COL19A1: variants seen among roughly 807,000 people sequenced by gnomAD.
COL19A1 encodes the protein collagen alpha-1(XIX) chain.
Under a neutral mutation model 190.2 loss-of-function variants are expected in COL19A1, and 159 were observed. The ratio of observed to expected loss-of-function variants is 0.84; its 90% confidence interval spans 0.73 to 0.95. The LOEUF is 0.95. Among genes scored for constraint, COL19A1 ranks in the 40% least tolerant of loss-of-function variants. COL19A1 has a pLI of 0.00. For synonymous variants in COL19A1, 509 were observed against 458.9 expected (o/e 1.11, Z -1.39); for missense variants, 1,418 against 1,431.9 (o/e 0.99, Z 0.16).
intron 11 of COL19A1, among the ~76,000 whole-genome samples, chr6:70,004,755 T>C (rs1451287329): frequency 6.6e-6 from 1 of 152,176 alleles, no homozygotes; most frequent in Non-Finnish European, 1.5e-5. Flanking sequence ...GTTATTCTAG[T>C]TAGCAGCTCC....
At chr6:70,139,924 C>CTTTTTTT (rs56675325) in intron 19 of COL19A1, among the ~76,000 whole-genome samples, 1 of 143,872 alleles carries the variant, frequency 7.0e-6, no homozygotes, top group African/African-American at 2.5e-5. Context: ...GGGTTTTTCT[C>CTTTTTTT]TTTTTTTTTT....
At chr6:69,967,014 AATG>A (rs1374785294) in intron 11 of COL19A1, among the ~76,000 whole-genome samples, 2 of 152,206 alleles carry the variant, frequency 1.3e-5, no homozygotes, top group African/African-American at 2.4e-5. Context: ...TTGCTTTTAA[AATG>A]ATGATTATTT....
chr6:69,958,175 G>A (rs893991868), intron 9 of COL19A1, among the ~76,000 whole-genome samples: 1 of 152,118 alleles, frequency 6.6e-6, no homozygotes, highest in Admixed American at 6.6e-5. Context: ...AGTACCCAGA[G>A]CACCTGGTGC....
In COL19A1 at chr6:69,884,536, G is replaced by A. The variant is rs538401980; in HGVS notation, c.91+4878G>A. On this transcript the variant is annotated intron_variant, in intron 2 of 50. Transcript: ENST00000620364. The stretch of plus-strand genomic sequence containing the variant: ...TTAAAACTGAGGGTGGGAGCATAAT[G>A]CACTTCTACTAAAGAATGAAGATAA... Among the ~76,000 whole-genome samples the A allele has an allele frequency of 1.6e-4, 24 of 152,262 alleles. No homozygotes were observed. The South Asian group carries it at 4.8e-3, about 30-fold the overall frequency.
chr6:70,101,548 C>A (rs564614827), intron 15 of COL19A1, among the ~76,000 whole-genome samples: 1 of 152,020 alleles, frequency 6.6e-6, no homozygotes, highest in Non-Finnish European at 1.5e-5. Context: ...GCTTAACCAT[C>A]TAAAGGGAAG....
chr6:69,990,580 G>T (rs981057118), intron 11 of COL19A1, among the ~76,000 whole-genome samples: 3 of 151,962 alleles, frequency 2.0e-5, no homozygotes, highest in African/African-American at 7.2e-5. Context: ...AAGAATCGGG[G>T]TTGTTTGTCC....
At chr6:69,893,143 T>C (rs566199115) in intron 2 of COL19A1, among the ~76,000 whole-genome samples, 2 of 152,380 alleles carry the variant, frequency 1.3e-5, no homozygotes, top group East Asian at 1.9e-4. Context: ...TTGCTTCAGC[T>C]TTCTGAGTTC....
At chr6:69,902,892 G>GT (rs1230557340) in intron 4 of COL19A1, among the ~76,000 whole-genome samples, 3 of 152,136 alleles carry the variant, frequency 2.0e-5, no homozygotes, top group East Asian at 1.9e-4. Flanking sequence ...CCAACACCAG[G>GT]TTTTTTTGTT....
In COL19A1 at chr6:69,898,994, T is replaced by C. The variant is rs765027371; in HGVS notation, c.138T>C (p.Tyr46=). Residue 46 remains tyrosine (Y), a synonymous_variant, in exon 3 of 51, where the codon TAT becomes TAC. Transcript: ENST00000620364. ...GAATAGAGGGACATCAGCTGACATA[T>C]GACAACATAAACAAACTTGAAGTTT... is the stretch of plus-strand genomic sequence containing the variant. ...ILRIEGHQLT[Y]DNINKLEVSG... 8.1e-6 allele frequency: 13 copies of C among 1,612,244 alleles called. No homozygotes were observed. The South Asian group carries it at 1.3e-4, about 16-fold the overall frequency.
chr6:70,131,671 GA>G (rs59439334), intron 18 of COL19A1, among the ~76,000 whole-genome samples: 3 of 151,616 alleles, frequency 2.0e-5, no homozygotes, highest in Non-Finnish European at 4.4e-5. Context: ...AGGCTAAGGG[GA>G]AAAAAAAGGA....
At chr6:70,041,206 A>C (rs1279061967) in intron 14 of COL19A1, among the ~76,000 whole-genome samples, 1 of 152,208 alleles carries the variant, frequency 6.6e-6, no homozygotes, top group Non-Finnish European at 1.5e-5. Flanking sequence ...AATTTAATGA[A>C]ATATCTGATT....
intron 4 of COL19A1, among the ~76,000 whole-genome samples, chr6:69,905,496 A>T (rs1039253793): frequency 1.3e-5 from 2 of 150,784 alleles, no homozygotes; most frequent in African/African-American, 4.9e-5. Flanking sequence ...ATCTGCAAAG[A>T]TGGACAGCTT....
rs561737114 is a variant in COL19A1 at position 70,178,091 on chromosome 6, T to TA, written c.2667+1532dup. Among the ~76,000 whole-genome samples the TA allele has an allele frequency of 1.2e-4, 19 of 152,274 alleles. No individual in the cohort carries two copies. The South Asian group carries it at 2.7e-3, about 22-fold the overall frequency. ...AAAAGCAGTTTTCATATGTCATAATTAAAAACATTAACTGGCTAGGCATAG... is the reference window on the plus strand; with the variant it reads ...AAAAGCAGTTTTCATATGTCATAATTAAAAAACATTAACTGGCTAGGCATAG... On this transcript the variant is annotated intron_variant, in intron 42 of 50. Coordinates refer to ENST00000620364, the MANE Select transcript of COL19A1 (RefSeq NM_001858.6).
chr6:70,128,886 C>T (rs1346693038), intron 17 of COL19A1, among the ~76,000 whole-genome samples: 1 of 152,184 alleles, frequency 6.6e-6, no homozygotes, highest in Non-Finnish European at 1.5e-5. Flanking sequence ...AAGTTAGGCT[C>T]CTACCCTCCC....
rs1246924460 is a variant in COL19A1, at chr6:69,932,801, A to G, written c.685A>G (p.Lys229Glu). Residue 229 changes from lysine (K) to glutamate (E), a missense_variant, in exon 7 of 51, where the codon AAA becomes GAA. Physicochemically the swap from Lys to Glu is moderately conservative, Grantham distance 56 (BLOSUM62 1). Coordinates refer to ENST00000620364, the MANE Select transcript of COL19A1 (RefSeq NM_001858.6). Reference protein sequence around the residue: ...KPVDIELHQLKIYCSANLIAQ... With the variant: ...KPVDIELHQLEIYCSANLIAQ... ...TTCATAGATTGAACTTCACCAACTT[A>G]AAATCTACTGCAGTGCAAACCTCAT... The G allele has an allele frequency of 6.2e-7, 1 of 1,601,242 alleles. No homozygotes were observed. Among genetic ancestry groups the G allele is most frequent in the Non-Finnish European group, 8.5e-7 (1 of 1,172,418 alleles).
chr6:70,162,939 C>A (rs1787896346), intron 35 of COL19A1, among the ~76,000 whole-genome samples: 1 of 152,132 alleles, frequency 6.6e-6, no homozygotes, highest in African/African-American at 2.4e-5. Flanking sequence ...TGGTAAAATG[C>A]AGATCATAGA....
At chr6:70,117,294 G>A (rs1049932405) in intron 16 of COL19A1, among the ~76,000 whole-genome samples, 1 of 152,198 alleles carries the variant, frequency 6.6e-6, no homozygotes, top group African/African-American at 2.4e-5. Flanking sequence ...GCTAAGACTA[G>A]GACTAAGGAC....
At chr6:70,161,798 C>A in intron 34 of COL19A1, 102 bp from the exon 35 acceptor site, 2 of 720,424 alleles carry the variant, frequency 2.8e-6, no homozygotes, top group Non-Finnish European at 4.4e-6. Context: ...TCTCGATTAG[C>A]TAAATAAGTG....
chr6:70,030,093 T>C (rs1377658834), intron 12 of COL19A1, among the ~76,000 whole-genome samples: 3 of 152,174 alleles, frequency 2.0e-5, no homozygotes, highest in African/African-American at 7.2e-5. Context: ...ATTAGGCATC[T>C]GTGGGAAATG....
Sources: gnomAD v4.1 joint callset for allele counts (sites outside exome capture counted in the v4.1 genomes callset) on GRCh38, gnomAD v4.1.1 for gene constraint, MANE v1.5 for transcripts, NCBI Gene and HGNC (gene_info 2026-07-23, HGNC 2026-07-21) for gene names.